Variants in INPP5A observed in about 807,000 individuals in gnomAD.
INPP5A encodes the protein inositol polyphosphate-5-phosphatase A.
INPP5A carries 14 observed loss-of-function variants against 65.2 expected under a neutral mutation model. The ratio of observed to expected loss-of-function variants is 0.21; its 90% CI spans 0.14 to 0.34. The LOEUF is 0.34. Among genes scored for constraint, INPP5A ranks in the 10% least tolerant of loss-of-function variants. INPP5A has a pLI of 1.00. For synonymous variants in INPP5A, 207 were observed against 208.3 expected (o/e 0.99, Z 0.05); for missense variants, 431 against 545.6 (o/e 0.79, Z 2.09).
intron 4 of INPP5A, among the ~76,000 whole-genome samples, chr10:132,684,103 A>T (rs1590923638): frequency 6.6e-6 from 1 of 152,252 alleles, no homozygotes; most frequent in South Asian, 2.1e-4. Flanking sequence ...GCCATAGGAC[A>T]TTTGAGAAAC....
rs569220097 is a variant in INPP5A, at chr10:132,657,221, G to A, written c.306+6716G>A. On this transcript the variant is annotated intron_variant, in intron 4 of 15. Transcript: ENST00000368594. Reference sequence around the variant, plus strand: ...GGCAGAGTGGCCACAGCACGTGGCCGCTGGTCACCAACCGGGGGCTTACCC... The same window carrying A: ...GGCAGAGTGGCCACAGCACGTGGCCACTGGTCACCAACCGGGGGCTTACCC... 1.2e-4 allele frequency among the ~76,000 whole-genome samples: 19 copies of A among 152,348 alleles called. 1 individual carries two copies. The South Asian group carries it at 3.3e-3, about 27-fold the overall frequency.
intron 2 of INPP5A, among the ~76,000 whole-genome samples, chr10:132,625,882 G>T (rs1448163161): frequency 6.6e-6 from 1 of 151,336 alleles, no homozygotes; most frequent in South Asian, 2.1e-4. Flanking sequence ...GTGTGTTTGT[G>T]TGTGTGTGTG....
At chr10:132,688,614 TGA>T (rs775921636) in intron 4 of INPP5A, among the ~76,000 whole-genome samples, 110 of 150,562 alleles carry the variant, frequency 7.3e-4, no homozygotes, top group Non-Finnish European at 5.9e-4. Context: ...TGCAAGTGTG[TGA>T]GTGTGAGCAA....
intron 1 of INPP5A, among the ~76,000 whole-genome samples, chr10:132,548,152 T>C (rs2071002820): frequency 1.3e-5 from 2 of 152,032 alleles, no homozygotes; most frequent in South Asian, 4.2e-4. Context: ...TCTGCCCGCA[T>C]TATAGGTGTG....
chr10:132,724,625 C>T (rs954066024), intron 8 of INPP5A, among the ~76,000 whole-genome samples: 6 of 151,804 alleles, frequency 4.0e-5, no homozygotes, highest in Non-Finnish European at 7.4e-5. Context: ...CCATATTCAC[C>T]GCAGATGGGG....
At chr10:132,726,205 C>G (rs1845981023) in intron 8 of INPP5A, among the ~76,000 whole-genome samples, 1 of 152,236 alleles carries the variant, frequency 6.6e-6, no homozygotes, top group African/African-American at 2.4e-5. Context: ...AAAACATACA[C>G]ACACGTATGC....
At chr10:132,754,366 G>A (rs1255448613) in intron 11 of INPP5A, among the ~76,000 whole-genome samples, 1 of 152,254 alleles carries the variant, frequency 6.6e-6, no homozygotes, top group Non-Finnish European at 1.5e-5. Context: ...GGACACCTCT[G>A]TCAGGAGACA....
Position 132,637,695 on chromosome 10 carries a change from C to T in INPP5A, c.118-8173C>T, listed in dbSNP as rs113661854. Among the ~76,000 whole-genome samples, 1,131 of 152,244 alleles carry T rather than the reference C, an allele frequency of 7.4e-3. 14 individuals carry two copies. Among genetic ancestry groups the T allele is most frequent in the African/African-American group, 0.026 (1,083 of 41,536 alleles). ...TTCTGTGCTTTGCCTTTGCCGCCCC[C>T]GAGGTTGATGGGCGCTCTCCGTCTC... On this transcript the variant is annotated intron_variant, in intron 2 of 15. Coordinates refer to ENST00000368594, the MANE Select transcript of INPP5A (RefSeq NM_005539.5). This position sits in a 1 kb window ranked among gnomAD's most constrained non-coding sequence, Gnocchi z 4.1.
rs1364989218 is a variant in INPP5A, at chr10:132,663,898, G to A, written c.306+13393G>A. ...GTAACAGGCTCTGTGGCAAAGGCTG[G>A]GCCAAGGTGCCTCGTGGGCAGCCGA... On this transcript the variant is annotated intron_variant, in intron 4 of 15. Transcript: ENST00000368594. This position sits in a 1 kb window ranked among gnomAD's most constrained non-coding sequence, Gnocchi z 4.5. 5.3e-5 allele frequency among the ~76,000 whole-genome samples: 8 copies of A among 152,244 alleles called. No homozygotes were observed. The highest frequency in any genetic ancestry group is 5.2e-4 in the Admixed American group (8 of 15,286).
chr10:132,584,361 C>T (rs1233939390), intron 1 of INPP5A, among the ~76,000 whole-genome samples: 2 of 152,182 alleles, frequency 1.3e-5, no homozygotes, highest in South Asian at 2.1e-4. Context: ...GTGAAACCAT[C>T]TGTGCCTTTT....
rs1025224525 is a variant in INPP5A at position 132,706,176 on chromosome 10, T to C, written c.475-2137T>C. On this transcript the variant is annotated intron_variant, in intron 6 of 15. Coordinates refer to ENST00000368594, the MANE Select transcript of INPP5A (RefSeq NM_005539.5). The surrounding 1 kb of genome is among the most constrained non-coding windows in gnomAD (Gnocchi z 4.7). ...TTAGACAATGTCATTAAGGAGTTCATCTAAACATAGTCAAGACGGACAAAG... is the reference window on the plus strand; with the variant it reads ...TTAGACAATGTCATTAAGGAGTTCACCTAAACATAGTCAAGACGGACAAAG... Among the ~76,000 whole-genome samples, 2 of 152,240 alleles carry C rather than the reference T, an allele frequency of 1.3e-5. No individual in the cohort carries two copies. Among genetic ancestry groups the C allele is most frequent in the South Asian group, 4.1e-4 (2 of 4,834 alleles).
intron 1 of INPP5A, among the ~76,000 whole-genome samples, chr10:132,582,686 G>C (rs1468042297): frequency 6.6e-6 from 1 of 152,228 alleles, no homozygotes; most frequent in African/African-American, 2.4e-5. Context: ...CTCCCAAAGT[G>C]CTGGGTTTAC....
chr10:132,766,064 CTG>C lies in INPP5A; in HGVS notation c.977+227_977+228del, dbSNP rs370654880. ...TGCGTCTGTGTGTGAACGTATGCGT[CTG>C]TGTGTGTGCACATGTGCACGAGTGT... On this transcript the variant is annotated intron_variant, in intron 12 of 15. Transcript: ENST00000368594. Among the ~76,000 whole-genome samples the C allele has an allele frequency of 3.0e-3, 459 of 152,182 alleles. 3 individuals are homozygous for C. Among genetic ancestry groups the C allele is most frequent in the African/African-American group, 0.011 (442 of 41,492 alleles).
rs548385685 is a variant in INPP5A at position 132,708,726 on chromosome 10, C to T, written c.527+361C>T. 1.7e-4 allele frequency among the ~76,000 whole-genome samples: 26 copies of T among 152,342 alleles called. No individual in the cohort carries two copies. In the South Asian group the frequency reaches 2.3e-3, roughly 13 times the overall value. On this transcript the variant is annotated intron_variant, in intron 7 of 15. Transcript: ENST00000368594. ...TGGCTGCCCAGTGAGACGGCGTAAG[C>T]GCTGCCTGGCAGCCTGGTCCATCAG...
At chr10:132,710,187 A>G in intron 7 of INPP5A, 150 bp from the exon 8 acceptor site, 1 of 759,282 alleles carries the variant, frequency 1.3e-6, no homozygotes, top group South Asian at 1.8e-5. Context: ...TTGTCGGAAG[A>G]CAGGTGGGTG....
intron 8 of INPP5A, among the ~76,000 whole-genome samples, chr10:132,718,819 G>A (rs562484337): frequency 3.7e-4 from 55 of 149,084 alleles, no homozygotes; most frequent in African/African-American, 1.2e-3. Flanking sequence ...GCTGTCTTGC[G>A]GGTTCTGTGG....
At chr10:132,754,383 C>T (rs925323386) in intron 11 of INPP5A, among the ~76,000 whole-genome samples, 3 of 152,346 alleles carry the variant, frequency 2.0e-5, no homozygotes, top group African/African-American at 4.8e-5. Flanking sequence ...GACAGCCTCA[C>T]GAGTGAGCGA....
chr10:132,632,329 G>A (rs888021005), intron 2 of INPP5A, among the ~76,000 whole-genome samples: 7 of 152,254 alleles, frequency 4.6e-5, no homozygotes, highest in Non-Finnish European at 1.5e-5. Flanking sequence ...CCGGATGCCA[G>A]GGCGCCTGTG....
chr10:132,695,964 AG>A (rs1256862448), intron 5 of INPP5A, among the ~76,000 whole-genome samples: 2 of 152,140 alleles, frequency 1.3e-5, no homozygotes, highest in African/African-American at 4.8e-5. Context: ...TGGTGTTAAG[AG>A]GCGGGGCCTT....
Sources: allele counts gnomAD v4.1 joint callset (sites outside exome capture counted in the v4.1 genomes callset), GRCh38; gene constraint gnomAD v4.1.1; non-coding constraint Gnocchi (gnomAD v3.1); transcripts MANE v1.5; gene names NCBI Gene and HGNC (gene_info 2026-07-23, HGNC 2026-07-21).